Variants in ZPBP2 observed in about 807,000 individuals in gnomAD.
ZPBP2 encodes the protein zona pellucida binding protein 2, also known as zona pellucida-binding protein 2.
Under a neutral mutation model 37.5 loss-of-function variants are expected in ZPBP2, and 34 were observed. That is an observed-to-expected ratio of 0.91 (90% CI 0.69 to 1.21). The LOEUF is 1.21. Ranked by LOEUF, ZPBP2 falls within the 50% of genes most tolerant of loss-of-function variation. The probability of loss-of-function intolerance (pLI) is 0.00; values close to 1 mark genes in which losing one functional copy is unlikely to be tolerated. For missense variants in ZPBP2, 397 were observed against 413.5 expected (o/e 0.96, Z 0.35); for synonymous variants, 143 against 138.4 (o/e 1.03, Z -0.23).
rs2063397166 is a variant in ZPBP2, at chr17:39,877,733, A to T, written c.*924A>T. ...TGGCTTCTTTCACTTAGCAATATGC[A>T]TTTAAGGTTCCTCCATGTCTTTTTG... On this transcript the variant is annotated 3_prime_UTR_variant, in exon 8 of 8. Coordinates refer to ENST00000348931, the MANE Select transcript of ZPBP2 (RefSeq NM_199321.3). 1 of 152,212 alleles carries T rather than the reference A, an allele frequency of 6.6e-6. No individual in the cohort carries two copies. Among genetic ancestry groups the T allele is most frequent in the Admixed American group, 6.5e-5 (1 of 15,274 alleles). The allele number at this position is 152,212 out of a possible 1,614,324, so 9.4% of individuals were successfully genotyped here. A position where few individuals can be genotyped will look rare whatever the true frequency, so the allele number is the denominator to read the frequency against.
Position 39,877,435 on chromosome 17 carries a change from A to G in ZPBP2, c.*626A>G, listed in dbSNP as rs1385635233. 2 of 152,200 alleles carry G rather than the reference A, an allele frequency of 1.3e-5. No homozygotes were observed. Among genetic ancestry groups the G allele is most frequent in the Non-Finnish European group, 2.9e-5 (2 of 68,044 alleles). 9.4% of individuals were successfully genotyped at this position (152,200 alleles called of 1,614,324 possible). A position where few individuals can be genotyped will look rare whatever the true frequency, so the allele number is the denominator to read the frequency against. ...CACATTTGTTACAAATGATGAACCA[A>G]TATTAATTTATTATTAATTATAGCC... On this transcript the variant is annotated 3_prime_UTR_variant, in exon 8 of 8. Coordinates refer to ENST00000348931, the MANE Select transcript of ZPBP2 (RefSeq NM_199321.3).
chr17:39,868,374 T>G lies in ZPBP2; in HGVS notation c.20T>G (p.Leu7Arg). 1 of 1,610,130 alleles carries G rather than the reference T, an allele frequency of 6.2e-7. No homozygotes were observed. The highest frequency in any genetic ancestry group is 1.7e-5 in the Admixed American group (1 of 60,018). Reference sequence around the variant, plus strand: ...TGAGCGATGATGCGAACGTGCGTCCTACTCTCCGCGGTGCTCTGGTGCCTC... The same window carrying G: ...TGAGCGATGATGCGAACGTGCGTCCGACTCTCCGCGGTGCTCTGGTGCCTC... MMRTCV[L>R]LSAVLWCLTG... Residue 7 changes from leucine to arginine, a missense_variant, in exon 1 of 8, where the codon CTA (leucine) becomes CGA (arginine). Leu to Arg is a moderately radical substitution (Grantham distance 102). Coordinates refer to ENST00000348931, the MANE Select transcript of ZPBP2 (RefSeq NM_199321.3).
At chr17:39,875,151 T>A (rs1440930416) in intron 6 of ZPBP2, 103 bp from the exon 7 acceptor site, 1 of 1,061,602 alleles carries the variant, frequency 9.4e-7, no homozygotes, top group African/African-American at 1.6e-5. Flanking sequence ...TTATCTACGT[T>A]AAGTATGGCA....
intron 2 of ZPBP2, among the ~76,000 whole-genome samples, chr17:39,869,033 A>C (rs1377399218): frequency 1.3e-5 from 2 of 152,160 alleles, no homozygotes; most frequent in African/African-American, 4.8e-5. Flanking sequence ...CTCTGCAGTG[A>C]AACTTTCCCA....
chr17:39,873,423 A>G (rs2144643611), intron 6 of ZPBP2, among the ~76,000 whole-genome samples: 1 of 152,324 alleles, frequency 6.6e-6, no homozygotes, highest in Admixed American at 6.5e-5. Context: ...TATTTTTTAA[A>G]AAACGAATAT....
At chr17:39,869,625 G>A (rs2063352717) in intron 2 of ZPBP2, among the ~76,000 whole-genome samples, 2 of 149,792 alleles carry the variant, frequency 1.3e-5, no homozygotes, top group Admixed American at 1.3e-4. Flanking sequence ...GGCTGGTCTC[G>A]AACTTCTGAC....
intron 5 of ZPBP2, 126 bp downstream of exon 5, chr17:39,872,614 ATGTAG>A: frequency 1.5e-6 from 1 of 649,512 alleles, no homozygotes. Context: ...GCACTAAAGT[ATGTAG>A]TTGACCTTAG....
Position 39,868,420 on chromosome 17 carries a change from C to T in ZPBP2, c.52+14C>T, listed in dbSNP as rs192800564. ...GCCTCACAGGAGGTGGGGCTCCCTC[C>T]ACCCGGTCCCCAGGCCTCTCCCTCT... On this transcript the variant is annotated intron_variant, in intron 1 of 7. Transcript: ENST00000348931. 28 of 1,611,200 alleles carry T rather than the reference C, an allele frequency of 1.7e-5. 1 individual carries two copies. The Middle Eastern group carries it at 9.9e-4, about 57-fold the overall frequency.
Position 39,875,370 on chromosome 17 carries a change from G to A in ZPBP2, c.825G>A (p.Leu275=). The A allele has an allele frequency of 6.2e-7, 1 of 1,613,956 alleles. No homozygotes were observed. Among genetic ancestry groups the A allele is most frequent in the Non-Finnish European group, 8.5e-7 (1 of 1,179,930 alleles). Residue 275 remains leucine, a synonymous_variant, in exon 7 of 8, where the codon CTG becomes CTA. Transcript: ENST00000348931. ...FVDHSLQVVR[L]DSCRPGFGKN... ...ACCACAGTTTGCAAGTAGTACGTCT[G>A]GATAGCTGTCGACCAGGCTTTGGAA...
At chr17:39,869,319 A>G (rs1009659467) in intron 2 of ZPBP2, among the ~76,000 whole-genome samples, 1 of 152,052 alleles carries the variant, frequency 6.6e-6, no homozygotes, top group East Asian at 1.9e-4. Context: ...ATTGTTCCCA[A>G]TGGAGAAAAT....
Position 39,872,423 on chromosome 17 carries a change from A to C in ZPBP2, c.560A>C (p.Tyr187Ser). The C allele has an allele frequency of 6.2e-7, 1 of 1,613,418 alleles. No homozygotes were observed. Among genetic ancestry groups the C allele is most frequent in the Non-Finnish European group, 8.5e-7 (1 of 1,179,796 alleles). ...DLSCHVIEPS[Y>S]KCHSVEIPEH... Reference sequence around the variant, plus strand: ...TCATGCCATGTCATAGAGCCATCATATAAATGCCATTCTGTTGAAATTCCA... The same window carrying C: ...TCATGCCATGTCATAGAGCCATCATCTAAATGCCATTCTGTTGAAATTCCA... Residue 187 changes from tyrosine (Y) to serine (S), a missense_variant, in exon 5 of 8, where the codon TAT becomes TCT. Physicochemically the swap from Tyr to Ser is moderately radical, Grantham distance 144. Transcript: ENST00000348931.
intron 7 of ZPBP2, among the ~76,000 whole-genome samples, chr17:39,875,883 C>CCCT (rs1555647948): frequency 1.6e-5 from 1 of 63,770 alleles, no homozygotes; most frequent in African/African-American, 5.2e-5. Context: ...TGCTTGGCCC[C>CCCT]TTTTTTTTTT....
In ZPBP2 at chr17:39,875,347, C is replaced by T; in HGVS notation, c.802C>T (p.His268Tyr). 1 of 1,614,028 alleles carries T rather than the reference C, an allele frequency of 6.2e-7. No homozygotes were observed. Among genetic ancestry groups the T allele is most frequent in the Non-Finnish European group, 8.5e-7 (1 of 1,179,998 alleles). The change falls in exon 7 of 8, where the codon CAC becomes TAC. Residue 268 changes from histidine to tyrosine, a missense_variant. Physicochemically the swap from His to Tyr is moderately conservative, Grantham distance 83. Coordinates refer to ENST00000348931, the MANE Select transcript of ZPBP2 (RefSeq NM_199321.3). ...KTLPAMHFVD[H>Y]SLQVVRLDSC... Reference sequence around the variant, plus strand: ...TCTACCAGCAATGCATTTTGTGGACCACAGTTTGCAAGTAGTACGTCTGGA... The same window carrying T: ...TCTACCAGCAATGCATTTTGTGGACTACAGTTTGCAAGTAGTACGTCTGGA...
chr17:39,868,596 G>A lies in ZPBP2; in HGVS notation c.100G>A (p.Gly34Ser). ...ATTCAATAAGAAGGGCTTCATTTAT[G>A]GCAAGACAGGACAGCCAGGTAATAA... ...TLFNKKGFIY[G>S]KTGQPDKIYV... Residue 34 changes from glycine (G) to serine (S), a missense_variant, in exon 2 of 8, where the codon GGC becomes AGC. Coordinates refer to ENST00000348931, the MANE Select transcript of ZPBP2 (RefSeq NM_199321.3). The A allele has an allele frequency of 1.9e-6, 3 of 1,614,148 alleles. No homozygotes were observed. The highest frequency in any genetic ancestry group is 2.5e-6 in the Non-Finnish European group (3 of 1,180,030).
At chr17:39,874,995 C>T (rs566152513) in intron 6 of ZPBP2, among the ~76,000 whole-genome samples, 89 of 152,294 alleles carry the variant, frequency 5.8e-4, no homozygotes, top group African/African-American at 2.0e-3. Flanking sequence ...GCGATCTGCC[C>T]GCCTTGGCCT....
chr17:39,872,208 G>A, intron 4 of ZPBP2, 62 bp from the exon 5 acceptor site: 2 of 1,297,548 alleles, frequency 1.5e-6, no homozygotes, highest in African/African-American at 1.5e-5. Context: ...AAAATTGTTT[G>A]GTAGAGGAAA....
At position 39,877,359 on chromosome 17, in the gene ZPBP2, C is replaced by CA. The variant is rs1199762199; in HGVS notation, c.*551dup. On this transcript the variant is annotated 3_prime_UTR_variant, in exon 8 of 8. Coordinates refer to ENST00000348931, the MANE Select transcript of ZPBP2 (RefSeq NM_199321.3). ...ATACACCCACTGCACCCCATACCCT[C>CA]ATTCCTCCTTACACAATTTCTCCTA... 1 of 152,314 alleles carries CA rather than the reference C, an allele frequency of 6.6e-6. No individual in the cohort carries two copies. Among genetic ancestry groups the CA allele is most frequent in the Middle Eastern group, 3.4e-3 (1 of 294 alleles). The allele number at this position is 152,314 out of a possible 1,614,324, so 9.4% of individuals were successfully genotyped here.
chr17:39,869,212 G>C (rs1453265508), intron 2 of ZPBP2, among the ~76,000 whole-genome samples: 2 of 152,020 alleles, frequency 1.3e-5, no homozygotes, highest in African/African-American at 4.8e-5. Flanking sequence ...ATATCTTTCT[G>C]GGTTGCAGTG....
chr17:39,875,626 T>C (rs1013067586), intron 7 of ZPBP2, among the ~76,000 whole-genome samples, 192 bp downstream of exon 7: 2 of 150,560 alleles, frequency 1.3e-5, no homozygotes, highest in African/African-American at 4.9e-5. Flanking sequence ...TGAGATAGAG[T>C]CTCACTCTTT....
Sources: allele counts gnomAD v4.1 joint callset (sites outside exome capture counted in the v4.1 genomes callset), GRCh38; gene constraint gnomAD v4.1.1; transcripts MANE v1.5; gene names NCBI Gene and HGNC (gene_info 2026-07-23, HGNC 2026-07-21).